NKAIN3: variants seen among roughly 807,000 people sequenced by gnomAD.
The protein encoded by NKAIN3 is sodium/potassium-transporting ATPase subunit beta-1-interacting protein 3.
Under a neutral mutation model 30.2 loss-of-function variants are expected in NKAIN3, and 25 were observed. That is an observed-to-expected ratio of 0.83 (90% CI 0.60 to 1.16). The LOEUF is 1.16. Among genes scored for constraint, NKAIN3 ranks in the 50% most tolerant of loss-of-function variants. The probability of loss-of-function intolerance (pLI) is 0.00; values close to 1 mark genes in which losing one functional copy is unlikely to be tolerated. For missense variants in NKAIN3, 225 were observed against 254.1 expected (o/e 0.89, Z 0.78); for synonymous variants, 91 against 89.6 (o/e 1.02, Z -0.09).
chr8:62,874,934 C>G (rs887237194), intron 4 of NKAIN3, among the ~76,000 whole-genome samples: 1 of 152,156 alleles, frequency 6.6e-6, no homozygotes. Flanking sequence ...TCTCACCACT[C>G]CTATTCAACA....
chr8:62,477,251 C>T (rs1411585271), intron 1 of NKAIN3, among the ~76,000 whole-genome samples: 4 of 152,098 alleles, frequency 2.6e-5, no homozygotes, highest in Admixed American at 6.5e-5. Context: ...TTCACACACC[C>T]GCAAATGTAC....
At chr8:62,848,698 T>A (rs1359891274) in intron 4 of NKAIN3, among the ~76,000 whole-genome samples, 2 of 152,170 alleles carry the variant, frequency 1.3e-5, no homozygotes, top group Admixed American at 6.6e-5. Flanking sequence ...GAACTTCCAA[T>A]ACTATGTTGA....
chr8:62,444,787 C>T (rs534341917), intron 1 of NKAIN3, among the ~76,000 whole-genome samples: 3 of 152,230 alleles, frequency 2.0e-5, no homozygotes, highest in East Asian at 3.9e-4. Flanking sequence ...CCTCCATACA[C>T]TTTTCCTTAG....
chr8:62,867,054 TAA>T (rs11444625), intron 4 of NKAIN3, among the ~76,000 whole-genome samples: 1 of 119,546 alleles, frequency 8.4e-6, no homozygotes. Flanking sequence ...GACTCCGTCT[TAA>T]AAAAAAAAAA....
At chr8:62,587,352 AAAAC>A (rs1411563456) in intron 2 of NKAIN3, among the ~76,000 whole-genome samples, 1 of 152,040 alleles carries the variant, frequency 6.6e-6, no homozygotes, top group Non-Finnish European at 1.5e-5. Context: ...CAATATTGCT[AAAAC>A]AAACAACACA....
intron 1 of NKAIN3, among the ~76,000 whole-genome samples, chr8:62,362,172 A>G (rs2129592569): frequency 6.6e-6 from 1 of 152,368 alleles, no homozygotes; most frequent in African/African-American, 2.4e-5. Context: ...ATGAGCATCA[A>G]TAACTAAGAA....
intron 3 of NKAIN3, among the ~76,000 whole-genome samples, chr8:62,728,950 A>G: frequency 6.7e-6 from 1 of 150,226 alleles, no homozygotes; most frequent in South Asian, 2.1e-4. Context: ...AGATCACGCC[A>G]CTGCACTCCA....
At chr8:62,787,657 C>A (rs547967500) in intron 4 of NKAIN3, among the ~76,000 whole-genome samples, 52 of 152,236 alleles carry the variant, frequency 3.4e-4, no homozygotes, top group South Asian at 2.1e-4. Context: ...TTAGGTATAT[C>A]TCCTAATGCT....
intron 1 of NKAIN3, among the ~76,000 whole-genome samples, chr8:62,358,445 G>A (rs1245391694): frequency 6.6e-6 from 1 of 152,042 alleles, no homozygotes; most frequent in African/African-American, 2.4e-5. Flanking sequence ...AAATGAAAAA[G>A]TTTTATTCCA....
At chr8:62,385,188 G>T (rs1034632227) in intron 1 of NKAIN3, among the ~76,000 whole-genome samples, 18 of 152,106 alleles carry the variant, frequency 1.2e-4, no homozygotes, top group African/African-American at 4.1e-4. Flanking sequence ...GGTAATCATT[G>T]TCTTTACCAT....
At chr8:62,651,897 C>A (rs1812631207) in intron 3 of NKAIN3, among the ~76,000 whole-genome samples, 1 of 152,140 alleles carries the variant, frequency 6.6e-6, no homozygotes. Context: ...TCTGCCATGA[C>A]TATAAGCTTT....
intron 4 of NKAIN3, among the ~76,000 whole-genome samples, chr8:62,876,921 G>A (rs192403137): frequency 1.2e-3 from 188 of 151,758 alleles, no homozygotes; most frequent in African/African-American, 4.3e-3. Context: ...CATGTATCCC[G>A]TGTTTGTTTG....
intron 1 of NKAIN3, among the ~76,000 whole-genome samples, chr8:62,477,461 C>T (rs1276179031): frequency 2.0e-5 from 3 of 152,102 alleles, no homozygotes; most frequent in South Asian, 2.1e-4. Flanking sequence ...TCTTTGACTT[C>T]GTGGCTCTCC....
intron 4 of NKAIN3, among the ~76,000 whole-genome samples, chr8:62,858,009 T>C (rs1180147036): frequency 1.3e-5 from 2 of 151,720 alleles, no homozygotes; most frequent in Non-Finnish European, 2.9e-5. Flanking sequence ...TGCCAACCTT[T>C]GGATGGGGTT....
At chr8:62,548,630 G>T (rs1409435195) in intron 1 of NKAIN3, among the ~76,000 whole-genome samples, 1 of 152,088 alleles carries the variant, frequency 6.6e-6, no homozygotes, top group Non-Finnish European at 1.5e-5. Flanking sequence ...AACCAGTGGA[G>T]TAAAATGTCA....
At chr8:62,823,043 A>G (rs973433025) in intron 4 of NKAIN3, among the ~76,000 whole-genome samples, 9 of 152,202 alleles carry the variant, frequency 5.9e-5, no homozygotes, top group Non-Finnish European at 1.3e-4. Context: ...TGTACAGAGC[A>G]CTTAGCATGA....
rs1331230281 is a variant in NKAIN3, at chr8:62,488,750, T to C, written c.55-90789T>C. ...GCTACTAATAGAAAAATAAACCATATTTTATTGTGAGCAAAACAAAATTTT... is the reference window on the plus strand; with the variant it reads ...GCTACTAATAGAAAAATAAACCATACTTTATTGTGAGCAAAACAAAATTTT... On this transcript the variant is annotated intron_variant, in intron 1 of 6. Transcript: ENST00000623646. Among the ~76,000 whole-genome samples, 2 of 152,146 alleles carry C rather than the reference T, an allele frequency of 1.3e-5. 1 individual carries two copies. The highest frequency in any genetic ancestry group is 4.8e-5 in the African/African-American group (2 of 41,434).
In NKAIN3 at chr8:62,929,562, G is replaced by A. The variant is rs199525595; in HGVS notation, c.532+11049G>A. Among the ~76,000 whole-genome samples, 14 of 152,300 alleles carry A rather than the reference G, an allele frequency of 9.2e-5. No homozygotes were observed. The East Asian group carries it at 2.7e-3, about 29-fold the overall frequency. On this transcript the variant is annotated intron_variant, in intron 5 of 6. Transcript: ENST00000623646. ...TTTTCCTCCTAACTGAGACAAGAAA[G>A]TTTCAGGGAAACAGGTGAAGACCAA...
At chr8:62,840,324 A>C (rs1296864672) in intron 4 of NKAIN3, among the ~76,000 whole-genome samples, 1 of 151,828 alleles carries the variant, frequency 6.6e-6, no homozygotes, top group Admixed American at 6.6e-5. Context: ...GCTCAGTTCC[A>C]CTATAGACAT....
Sources: allele counts gnomAD v4.1 joint callset (sites outside exome capture counted in the v4.1 genomes callset), GRCh38; gene constraint gnomAD v4.1.1; transcripts MANE v1.5; gene names NCBI Gene and HGNC (gene_info 2026-07-23, HGNC 2026-07-21).